Variants in RYK observed in about 807,000 individuals in gnomAD.
RYK encodes inactive tyrosine-protein kinase RYK.
In RYK, 21 loss-of-function variants were observed where a neutral mutation model predicts 70.2. The ratio of observed to expected loss-of-function variants is 0.30; its 90% confidence interval spans 0.21 to 0.43. The LOEUF (loss-of-function observed/expected upper bound fraction) is 0.43, where lower values mean the gene tolerates loss of function less well. RYK is among the 20% of genes least tolerant of loss of function. The pLI, the probability that RYK is intolerant of heterozygous loss-of-function variation, is 1.00. For missense variants in RYK, 604 were observed against 753.3 expected (o/e 0.80, Z 2.32); for synonymous variants, 267 against 278.0 (o/e 0.96, Z 0.39).
intron 5 of RYK, among the ~76,000 whole-genome samples, chr3:134,206,981 GA>G (rs1028813248): frequency 4.8e-5 from 7 of 146,226 alleles, no homozygotes; most frequent in East Asian, 2.0e-4. Flanking sequence ...CTTCATGTCA[GA>G]AAAAAAAAAG....
chr3:134,173,213 G>A (rs773555369), intron 13 of RYK, among the ~76,000 whole-genome samples: 9 of 151,810 alleles, frequency 5.9e-5, no homozygotes, highest in African/African-American at 1.5e-4. Context: ...CCCAGGAGGC[G>A]GAGGTTGCAC....
chr3:134,190,908 G>A (rs1217190040), intron 8 of RYK, among the ~76,000 whole-genome samples: 1 of 152,150 alleles, frequency 6.6e-6, no homozygotes, highest in Non-Finnish European at 1.5e-5. Context: ...CTGCAAACTA[G>A]TTATGCTTAG....
At chr3:134,164,467 CTAGA>C (rs1051468646) in intron 13 of RYK, among the ~76,000 whole-genome samples, 2 of 152,180 alleles carry the variant, frequency 1.3e-5, no homozygotes, top group African/African-American at 2.4e-5. Context: ...CTTTCTGTCA[CTAGA>C]TAGTTGGCGT....
At chr3:134,238,905 T>C (rs1056224576) in intron 1 of RYK, among the ~76,000 whole-genome samples, 1 of 152,238 alleles carries the variant, frequency 6.6e-6, no homozygotes, top group Non-Finnish European at 1.5e-5. Flanking sequence ...AGCTTTTCAT[T>C]ACTGATAAAG....
chr3:134,162,677 T>C (rs2012519113), intron 13 of RYK, among the ~76,000 whole-genome samples: 1 of 152,000 alleles, frequency 6.6e-6, no homozygotes. Context: ...TGAAACTTTT[T>C]TCTGAGAAGC....
chr3:134,189,009 CAAAAATAACAAGGTCAT>C (rs751898928), intron 8 of RYK, 86 bp from the exon 9 acceptor site: 142 of 752,632 alleles, frequency 1.9e-4, no homozygotes, highest in Non-Finnish European at 2.7e-4. Flanking sequence ...TAACATAAAA[CAAAAATAACAAGGTCAT>C]ATGTGATCAA....
chr3:134,220,726 G>A (rs1481308324), intron 2 of RYK, among the ~76,000 whole-genome samples: 1 of 151,958 alleles, frequency 6.6e-6, no homozygotes, highest in African/African-American at 2.4e-5. Flanking sequence ...TTTTTTCTGT[G>A]TTTCTATATT....
chr3:134,188,293 T>C (rs1211580546), intron 9 of RYK, among the ~76,000 whole-genome samples: 2 of 151,746 alleles, frequency 1.3e-5, no homozygotes, highest in African/African-American at 4.8e-5. Context: ...TCTGAGTAGC[T>C]GGGATTACAG....
chr3:134,163,307 G>A (rs4470517), intron 13 of RYK, among the ~76,000 whole-genome samples: 112,077 of 152,092 alleles, frequency 0.74, 41,874 homozygotes, highest in East Asian at 0.99. Flanking sequence ...TGCTCTCTAA[G>A]GTCTTCCGAT....
intron 1 of RYK, among the ~76,000 whole-genome samples, chr3:134,230,628 G>A (rs2015028665): frequency 6.6e-6 from 1 of 152,174 alleles, no homozygotes. Context: ...AATTTATGGT[G>A]ATAGAAATCA....
intron 7 of RYK, among the ~76,000 whole-genome samples, chr3:134,192,981 G>T (rs2013692931): frequency 6.6e-6 from 1 of 152,056 alleles, no homozygotes; most frequent in Non-Finnish European, 1.5e-5. Context: ...TGGCTACTAT[G>T]TCTTCAAATA....
intron 2 of RYK, among the ~76,000 whole-genome samples, chr3:134,216,774 CAG>C (rs1274250460): frequency 9.3e-4 from 100 of 107,212 alleles, no homozygotes; most frequent in African/African-American, 3.4e-3. Context: ...GCCTGGGCGA[CAG>C]AGTGAGACTC....
At chr3:134,212,624 G>A (rs928643762) in intron 2 of RYK, among the ~76,000 whole-genome samples, 2 of 152,084 alleles carry the variant, frequency 1.3e-5, no homozygotes, top group Non-Finnish European at 2.9e-5. Flanking sequence ...TGAAGTGGGG[G>A]GTGTTCCAAA....
chr3:134,174,201 A>G (rs937963635), intron 13 of RYK, among the ~76,000 whole-genome samples: 6 of 152,248 alleles, frequency 3.9e-5, no homozygotes, highest in African/African-American at 1.4e-4. Flanking sequence ...TCTCCACTAG[A>G]GCCTCTGGAA....
chr3:134,158,059 T>C lies in RYK; in HGVS notation c.*94A>G. On this transcript the variant is annotated 3_prime_UTR_variant, in exon 15 of 15. Transcript: ENST00000623711. The stretch of plus-strand genomic sequence containing the variant: ...GTGTTCTGGAAGACAAATGTGCTTC[T>C]GTTGGCGTTGTGTTAGATACAAAGC... 2 of 516,784 alleles carry C rather than the reference T, an allele frequency of 3.9e-6. No homozygotes were observed. Among genetic ancestry groups the C allele is most frequent in the Non-Finnish European group, 6.3e-6 (2 of 318,984 alleles). 32.0% of individuals were successfully genotyped at this position (516,784 alleles called of 1,614,324 possible).
chr3:134,234,519 G>A (rs1377735043), intron 1 of RYK, among the ~76,000 whole-genome samples: 2 of 152,106 alleles, frequency 1.3e-5, no homozygotes, highest in African/African-American at 4.8e-5. Context: ...GGTTACCCAT[G>A]CTATCTGAAT....
chr3:134,168,394 G>A (rs2012766730), intron 13 of RYK, among the ~76,000 whole-genome samples: 1 of 152,150 alleles, frequency 6.6e-6, no homozygotes, highest in African/African-American at 2.4e-5. Flanking sequence ...ATGATAGACT[G>A]GATTAAGAAA....
intron 13 of RYK, among the ~76,000 whole-genome samples, chr3:134,174,787 T>C (rs764613378): frequency 1.9e-4 from 29 of 152,024 alleles, no homozygotes; most frequent in Non-Finnish European, 3.5e-4. Flanking sequence ...AGGGCCCAAC[T>C]ATGATCTGGC....
At chr3:134,214,935 G>T (rs1249292729) in intron 2 of RYK, among the ~76,000 whole-genome samples, 1 of 152,126 alleles carries the variant, frequency 6.6e-6, no homozygotes, top group East Asian at 1.9e-4. Flanking sequence ...GTACACTAGG[G>T]TTCTAGCCCA....
Sources: gnomAD v4.1 joint callset for allele counts (sites outside exome capture counted in the v4.1 genomes callset) on GRCh38, gnomAD v4.1.1 for gene constraint, MANE v1.5 for transcripts, NCBI Gene and HGNC (gene_info 2026-07-23, HGNC 2026-07-21) for gene names.